The following BLVRA variants were observed in gnomAD, a reference collection of about 807,000 sequenced individuals.
BLVRA encodes the protein biliverdin reductase A.
A neutral mutation model predicts 32.8 loss-of-function variants in BLVRA; 22 were observed. The ratio of observed to expected loss-of-function variants is 0.67; its 90% CI spans 0.48 to 0.96. BLVRA has a LOEUF of 0.96. Among genes scored for constraint, BLVRA ranks in the 40% least tolerant of loss-of-function variants. The probability of loss-of-function intolerance (pLI) is 0.00; values close to 1 mark genes in which losing one functional copy is unlikely to be tolerated. For synonymous variants in BLVRA, 119 were observed against 141.3 expected, an observed-to-expected ratio of 0.84 and a Z score of 1.12; for missense variants, 323 against 358.1, an observed-to-expected ratio of 0.90 and a Z score of 0.79.
chr7:43,796,121 C>CAAAAAA (rs371922009), intron 5 of BLVRA, among the ~76,000 whole-genome samples: 9 of 66,108 alleles, frequency 1.4e-4, no homozygotes, highest in South Asian at 6.0e-4. Flanking sequence ...CTCTGTCTCA[C>CAAAAAA]AAAAAAAAAA....
intron 2 of BLVRA, among the ~76,000 whole-genome samples, chr7:43,782,985 A>G (rs1310569114): frequency 1.3e-5 from 2 of 151,850 alleles, no homozygotes; most frequent in African/African-American, 4.8e-5. Flanking sequence ...GTCATTGGAC[A>G]GGGCAGGGGC....
intron 2 of BLVRA, among the ~76,000 whole-genome samples, chr7:43,782,852 GAGA>G (rs1366135888): frequency 1.3e-5 from 2 of 152,194 alleles, no homozygotes; most frequent in Admixed American, 6.5e-5. Flanking sequence ...GGATGTGGCT[GAGA>G]AGAAGCCCTT....
chr7:43,786,576 ACACATTCTTTT>A (rs1211042728), intron 2 of BLVRA, among the ~76,000 whole-genome samples: 7 of 152,250 alleles, frequency 4.6e-5, no homozygotes, highest in Non-Finnish European at 1.0e-4. Flanking sequence ...ATAGCAGAAT[ACACATTCTTTT>A]CAAGTGTGCC....
chr7:43,789,449 A>G (rs1452266075), intron 3 of BLVRA, among the ~76,000 whole-genome samples: 6 of 152,168 alleles, frequency 3.9e-5, no homozygotes, highest in Admixed American at 2.0e-4. Context: ...TCTCCTCCCC[A>G]TAAGATTCCA....
At chr7:43,758,907 G>A (rs1279923030) in intron 1 of BLVRA, among the ~76,000 whole-genome samples, 173 bp downstream of exon 1, 1 of 151,958 alleles carries the variant, frequency 6.6e-6, no homozygotes, top group Non-Finnish European at 1.5e-5. Context: ...CGCCCCGCCC[G>A]GGCCCGGAGT....
chr7:43,772,483 C>T (rs2095755696), intron 2 of BLVRA, among the ~76,000 whole-genome samples: 1 of 152,212 alleles, frequency 6.6e-6, no homozygotes, highest in African/African-American at 2.4e-5. Flanking sequence ...GAGCAGCTTC[C>T]CCCCTGCCCC....
At chr7:43,790,474 C>T (rs1012924593) in intron 3 of BLVRA, among the ~76,000 whole-genome samples, 19 of 152,006 alleles carry the variant, frequency 1.2e-4, no homozygotes, top group African/African-American at 4.1e-4. Context: ...CACACACAAA[C>T]ATGTGTGCGT....
intron 1 of BLVRA, among the ~76,000 whole-genome samples, chr7:43,761,325 A>G (rs1744760013): frequency 6.6e-6 from 1 of 152,236 alleles, no homozygotes; most frequent in African/African-American, 2.4e-5. Flanking sequence ...ACAAGAAACT[A>G]TTCCAGGGGA....
At chr7:43,782,611 G>A (rs1563542907) in intron 2 of BLVRA, among the ~76,000 whole-genome samples, 2 of 152,136 alleles carry the variant, frequency 1.3e-5, no homozygotes, top group South Asian at 2.1e-4. Context: ...TGGCATAGAG[G>A]TGGTCATGGA....
chr7:43,806,888 C>G, intron 7 of BLVRA, 89 bp from the exon 8 acceptor site: 3 of 1,484,810 alleles, frequency 2.0e-6, no homozygotes, highest in Non-Finnish European at 2.8e-6. Context: ...CTGACAAGGA[C>G]ATGTTACCAG....
intron 7 of BLVRA, among the ~76,000 whole-genome samples, chr7:43,805,201 G>A (rs746166956): frequency 7.9e-5 from 12 of 152,160 alleles, no homozygotes; most frequent in Non-Finnish European, 1.0e-4. Flanking sequence ...GATGGGAGGC[G>A]GTGCCTTGTT....
chr7:43,800,512 G>C lies in BLVRA; in HGVS notation c.400G>C (p.Ala134Pro), dbSNP rs149777705. 2.5e-6 allele frequency: 4 copies of C among 1,613,904 alleles called. No homozygotes were observed. In the African/African-American group the frequency reaches 5.3e-5, roughly 22 times the overall value. ...TGTTGAACTCTTGATGGAGGAATTCGCTTTCCTGAAAAAAGAAGTGGTGGG... is the reference window on the plus strand; with the variant it reads ...TGTTGAACTCTTGATGGAGGAATTCCCTTTCCTGAAAAAAGAAGTGGTGGG... ...EHVELLMEEFAFLKKEVVGKD... is the reference protein window; with the variant it reads ...EHVELLMEEFPFLKKEVVGKD... The change falls in exon 6 of 8, where the codon GCT becomes CCT. Residue 134 changes from alanine (A) to proline (P), a missense_variant. Coordinates refer to ENST00000265523, the MANE Select transcript of BLVRA (RefSeq NM_000712.4).
At chr7:43,762,916 C>A (rs1431068349) in intron 1 of BLVRA, among the ~76,000 whole-genome samples, 1 of 152,072 alleles carries the variant, frequency 6.6e-6, no homozygotes, top group Non-Finnish European at 1.5e-5. Flanking sequence ...CGTGCCCGGC[C>A]CTTAACCCAG....
chr7:43,778,880 T>C (rs979179759), intron 2 of BLVRA, among the ~76,000 whole-genome samples: 2 of 152,276 alleles, frequency 1.3e-5, no homozygotes, highest in East Asian at 1.9e-4. Flanking sequence ...CCCCCAGCCT[T>C]GCTGCCACCT....
At chr7:43,774,550 T>C (rs1389340288) in intron 2 of BLVRA, among the ~76,000 whole-genome samples, 1 of 152,234 alleles carries the variant, frequency 6.6e-6, no homozygotes, top group African/African-American at 2.4e-5. Flanking sequence ...AGCCTTGTAG[T>C]ATAGTTAGAA....
In BLVRA at chr7:43,800,478, C is replaced by G. The variant is rs748847551; in HGVS notation, c.366C>G (p.His122Gln). ...TTGTCGTTACAGGAAAAGTCTTGCA[C>G]GAGGAGCATGTTGAACTCTTGATGG... ...ELAEQKGKVL[H>Q]EEHVELLMEE... Residue 122 changes from histidine (H) to glutamine (Q), a missense_variant, in exon 6 of 8, where the codon CAC becomes CAG. By Grantham distance (24) the His-to-Gln change is conservative. Coordinates refer to ENST00000265523, the MANE Select transcript of BLVRA (RefSeq NM_000712.4). 6.2e-7 allele frequency: 1 copy of G among 1,614,004 alleles called. No individual in the cohort carries two copies. The highest frequency in any genetic ancestry group is 2.2e-5 in the East Asian group (1 of 44,884).
At position 43,800,529 on chromosome 7, in the gene BLVRA, A is replaced by C. The variant is rs2095797503; in HGVS notation, c.417A>C (p.Glu139Asp). 10 of 1,614,074 alleles carry C rather than the reference A, an allele frequency of 6.2e-6. No individual in the cohort carries two copies. The highest frequency in any genetic ancestry group is 7.6e-6 in the Non-Finnish European group (9 of 1,179,942). Residue 139 changes from glutamate (E) to aspartate (D), a missense_variant, in exon 6 of 8, where the codon GAA becomes GAC. By Grantham distance (45) the Glu-to-Asp change is conservative. Coordinates refer to ENST00000265523, the MANE Select transcript of BLVRA (RefSeq NM_000712.4). Reference protein sequence around the residue: ...LMEEFAFLKKEVVGKDLLKGS... With the variant: ...LMEEFAFLKKDVVGKDLLKGS... ...AGGAATTCGCTTTCCTGAAAAAAGAAGTGGTGGGGAAAGACCTGCTGAAAG... is the reference window on the plus strand; with the variant it reads ...AGGAATTCGCTTTCCTGAAAAAAGACGTGGTGGGGAAAGACCTGCTGAAAG...
chr7:43,771,221 C>T (rs10234057), intron 2 of BLVRA, 51 bp downstream of exon 2: 296,356 of 1,589,976 alleles, frequency 0.19, 30,046 homozygotes, highest in Non-Finnish European at 0.21. Flanking sequence ...TATTGTGTCC[C>T]TCATTTCTCC....
chr7:43,760,955 G>T (rs1024964910), intron 1 of BLVRA, among the ~76,000 whole-genome samples: 2 of 152,128 alleles, frequency 1.3e-5, no homozygotes, highest in Non-Finnish European at 2.9e-5. Flanking sequence ...TTTTAGTAGA[G>T]ACAGGGTTTT....
Sources: allele counts gnomAD v4.1 joint callset (sites outside exome capture counted in the v4.1 genomes callset), GRCh38; gene constraint gnomAD v4.1.1; transcripts MANE v1.5; gene names NCBI Gene and HGNC (gene_info 2026-07-23, HGNC 2026-07-21).